Variants in USP34 observed in about 807,000 individuals in gnomAD.
The protein encoded by USP34 is ubiquitin specific peptidase 34, also known as ubiquitin carboxyl-terminal hydrolase 34.
USP34 carries 70 observed loss-of-function variants against 460.3 expected under a neutral mutation model. That is an observed-to-expected ratio of 0.15 (90% CI 0.13 to 0.19). The LOEUF is 0.19. USP34 is among the 10% of genes least tolerant of loss of function. The pLI is 1.00. For missense variants in USP34, 3,985 were observed against 4,236.2 expected, an observed-to-expected ratio of 0.94 and a Z score of 1.65; for synonymous variants, 1,647 against 1,405.3, an observed-to-expected ratio of 1.17 and a Z score of -3.85.
chr2:61,411,842 T>C (rs2103950141), intron 2 of USP34, among the ~76,000 whole-genome samples: 1 of 152,260 alleles, frequency 6.6e-6, no homozygotes, highest in South Asian at 2.1e-4. Flanking sequence ...ATAACAATAA[T>C]AAGATATGCG....
At chr2:61,370,186 C>T in intron 10 of USP34, 135 bp downstream of exon 10, 1 of 829,396 alleles carries the variant, frequency 1.2e-6, no homozygotes, top group Non-Finnish European at 1.9e-6. Flanking sequence ...GACTCGGAAG[C>T]CAGATTTCAG....
chr2:61,395,471 A>C (rs925082721), intron 3 of USP34, among the ~76,000 whole-genome samples: 5 of 152,224 alleles, frequency 3.3e-5, no homozygotes, highest in African/African-American at 9.6e-5. Context: ...TTGCCTTATT[A>C]AACATTAAGT....
Position 61,301,088 on chromosome 2 carries a change from G to A in USP34, c.3991C>T (p.Leu1331Phe). 1.9e-6 allele frequency: 3 copies of A among 1,614,028 alleles called. No individual in the cohort carries two copies. Among genetic ancestry groups the A allele is most frequent in the Non-Finnish European group, 2.5e-6 (3 of 1,180,000 alleles). The change falls in exon 29 of 80, where the codon CTC becomes TTC. Residue 1331 changes from leucine (L) to phenylalanine (F), a missense_variant. Around this residue, in one of 14 missense-constraint regions of USP34, gnomAD observed 1,114 missense variants for 1,122.5 expected, o/e 0.99. Coordinates refer to ENST00000398571, the MANE Select transcript of USP34 (RefSeq NM_014709.4). ...ATGTTGTCCTTCTGAGGGGGTGGGA[G>A]GCAAGATGCTGGCAGCTGAACACCT... ...GEGVQLPASC[L>F]PPPQKDNIPM...
chr2:61,399,614 G>T (rs1422942977), intron 3 of USP34, among the ~76,000 whole-genome samples: 1 of 152,046 alleles, frequency 6.6e-6, no homozygotes, highest in East Asian at 1.9e-4. Context: ...GCTCATGCCT[G>T]TAATTCCCAG....
At chr2:61,249,244 T>C (rs1194106039) in intron 48 of USP34, among the ~76,000 whole-genome samples, 7 of 152,226 alleles carry the variant, frequency 4.6e-5, no homozygotes, top group South Asian at 4.1e-4. Flanking sequence ...AACACTACTC[T>C]TGCACTTTGG....
intron 29 of USP34, among the ~76,000 whole-genome samples, chr2:61,298,572 A>AAAAAAC (rs1690115222): frequency 9.2e-5 from 12 of 130,150 alleles, no homozygotes; most frequent in Non-Finnish European, 1.3e-4. Flanking sequence ...AAAAAAAAAA[A>AAAAAAC]TCTGCTGAAA....
intron 53 of USP34, 75 bp downstream of exon 53, chr2:61,241,485 T>C: frequency 9.3e-7 from 1 of 1,076,860 alleles, no homozygotes; most frequent in African/African-American, 1.6e-5. Context: ...TAGAACCTGT[T>C]CTTACACTAC....
At chr2:61,431,552 G>C (rs1338774739) in intron 1 of USP34, among the ~76,000 whole-genome samples, 1 of 152,104 alleles carries the variant, frequency 6.6e-6, no homozygotes, top group South Asian at 2.1e-4. Context: ...TTAATAATCT[G>C]ACATTTTAGC....
In USP34 at chr2:61,267,700, A is replaced by G. The variant is rs1483837474; in HGVS notation, c.5434-1533T>C. On this transcript the variant is annotated intron_variant, in intron 41 of 79. Transcript: ENST00000398571. ...GCCATCTCGGCTCACCCCAAGCTCC[A>G]CCTCCCGGGTTCATGCCATTCTCCT... Among the ~76,000 whole-genome samples, 7 of 151,278 alleles carry G rather than the reference A, an allele frequency of 4.6e-5. No individual in the cohort carries two copies. In the East Asian group the frequency reaches 1.4e-3, roughly 29 times the overall value.
chr2:61,258,244 G>C (rs973484464), intron 44 of USP34, among the ~76,000 whole-genome samples: 2 of 152,096 alleles, frequency 1.3e-5, no homozygotes, highest in Non-Finnish European at 2.9e-5. Context: ...GTCCCAGGCA[G>C]TGGAGCAGTG....
rs2103902812 is a variant in USP34 at position 61,259,912 on chromosome 2, C to T, written c.5779-136G>A. ...GCTATATAAAAGAAAAACACCAACA[C>T]ATTCAATTCTTTAGTAATTATAGCA... On this transcript the variant is annotated intron_variant, in intron 43 of 79. Coordinates refer to ENST00000398571, the MANE Select transcript of USP34 (RefSeq NM_014709.4). 1.1e-5 allele frequency: 7 copies of T among 649,732 alleles called. No homozygotes were observed. In the South Asian group the frequency reaches 1.6e-4, roughly 15 times the overall value. The allele number at this position is 649,732 out of a possible 1,614,324, so 40.2% of individuals were successfully genotyped here.
chr2:61,464,089 C>A (rs1695689613), intron 1 of USP34, among the ~76,000 whole-genome samples: 1 of 152,202 alleles, frequency 6.6e-6, no homozygotes, highest in Non-Finnish European at 1.5e-5. Flanking sequence ...AAGGCCGAGG[C>A]AGGTGGATCA....
At chr2:61,263,594 G>A (rs1688961109) in intron 43 of USP34, among the ~76,000 whole-genome samples, 1 of 151,962 alleles carries the variant, frequency 6.6e-6, no homozygotes, top group South Asian at 2.1e-4. Flanking sequence ...GGATTCTCCT[G>A]CCTCAGCCTC....
chr2:61,190,061 G>T, intron 78 of USP34: 1 of 472,186 alleles, frequency 2.1e-6, no homozygotes, highest in Non-Finnish European at 3.6e-6. Context: ...AGCATTTAAT[G>T]ATACCAGCTT....
intron 1 of USP34, among the ~76,000 whole-genome samples, chr2:61,459,339 T>G (rs1695532027): frequency 6.6e-6 from 1 of 152,166 alleles, no homozygotes; most frequent in Non-Finnish European, 1.5e-5. Context: ...GGAAGTACCT[T>G]CAAGGAAAAC....
intron 33 of USP34, among the ~76,000 whole-genome samples, chr2:61,291,401 G>A (rs1428027768): frequency 6.6e-6 from 1 of 152,152 alleles, no homozygotes; most frequent in Non-Finnish European, 1.5e-5. Flanking sequence ...CAAAAAGTTA[G>A]AAGTTACCAC....
chr2:61,263,908 A>G (rs989561677), intron 43 of USP34, among the ~76,000 whole-genome samples: 2 of 152,124 alleles, frequency 1.3e-5, no homozygotes, highest in Non-Finnish European at 2.9e-5. Context: ...ACCGTTTATG[A>G]GATCTACTCA....
chr2:61,288,795 T>G lies in USP34; in HGVS notation c.4631A>C (p.His1544Pro). 6.2e-7 allele frequency: 1 copy of G among 1,614,050 alleles called. No individual in the cohort carries two copies. Among genetic ancestry groups the G allele is most frequent in the Non-Finnish European group, 8.5e-7 (1 of 1,179,974 alleles). Residue 1544 changes from histidine (H) to proline (P), a missense_variant, in exon 34 of 80, where the codon CAT becomes CCT. Transcript: ENST00000398571. ...VDPSDLDLAYHDVFAWSGIAE... is the reference protein window; with the variant it reads ...VDPSDLDLAYPDVFAWSGIAE... ...TATACCAGACCAGGCAAAGACATCA[T>G]GATAAGCTAAATCCAAATCGGATGG...
chr2:61,434,642 C>T (rs1331569598), intron 1 of USP34, among the ~76,000 whole-genome samples: 1 of 152,140 alleles, frequency 6.6e-6, no homozygotes, highest in Non-Finnish European at 1.5e-5. Flanking sequence ...GTCACTAGTA[C>T]AGATTACAGA....
Sources: gnomAD v4.1 joint callset for allele counts (sites outside exome capture counted in the v4.1 genomes callset) on GRCh38, gnomAD v4.1.1 for gene constraint, gnomAD v4.1.1 regional missense constraint, MANE v1.5 for transcripts, NCBI Gene and HGNC (gene_info 2026-07-23, HGNC 2026-07-21) for gene names.